Variants in RSRC1 observed in about 807,000 individuals in gnomAD.
RSRC1 encodes the protein serine/Arginine-related protein 53.
In RSRC1, 39 loss-of-function variants were observed where a neutral mutation model predicts 49.1. That is an observed-to-expected ratio of 0.79 (90% CI 0.61 to 1.04). The LOEUF is 1.04. Among genes scored for constraint, RSRC1 ranks in the 50% least tolerant of loss-of-function variants. The pLI is 0.00. For synonymous variants in RSRC1, 143 were observed against 130.8 expected, an observed-to-expected ratio of 1.09 and a Z score of -0.63; for missense variants, 388 against 402.4, an observed-to-expected ratio of 0.96 and a Z score of 0.31.
intron 4 of RSRC1, among the ~76,000 whole-genome samples, chr3:158,260,336 G>A (rs766418883): frequency 1.1e-4 from 16 of 152,132 alleles, no homozygotes; most frequent in Non-Finnish European, 2.2e-4. Context: ...CTTCCCCAGG[G>A]TATGTCTAGA....
chr3:158,504,076 C>T (rs1739736928), intron 7 of RSRC1, among the ~76,000 whole-genome samples: 1 of 152,182 alleles, frequency 6.6e-6, no homozygotes, highest in South Asian at 2.1e-4. Context: ...CCCTGTATTT[C>T]ACTCAGCTCT....
intron 3 of RSRC1, among the ~76,000 whole-genome samples, chr3:158,197,405 A>G (rs1720699800): frequency 6.6e-6 from 1 of 151,538 alleles, no homozygotes; most frequent in South Asian, 2.1e-4. Flanking sequence ...CTTCTTTATT[A>G]GTCTTGGTAG....
At chr3:158,437,599 A>G (rs1032498748) in intron 6 of RSRC1, among the ~76,000 whole-genome samples, 1 of 152,180 alleles carries the variant, frequency 6.6e-6, no homozygotes, top group Non-Finnish European at 1.5e-5. Context: ...AAGGCCTTCA[A>G]TAAAATTCAA....
chr3:158,290,712 T>C (rs775557065), intron 4 of RSRC1, among the ~76,000 whole-genome samples: 5 of 152,224 alleles, frequency 3.3e-5, no homozygotes, highest in Non-Finnish European at 7.3e-5. Context: ...TAATAATGTA[T>C]GTAGTCAGGC....
At chr3:158,397,829 A>G (rs1476632060) in intron 6 of RSRC1, among the ~76,000 whole-genome samples, 1 of 152,048 alleles carries the variant, frequency 6.6e-6, no homozygotes, top group Non-Finnish European at 1.5e-5. Flanking sequence ...AAAGGATCTC[A>G]TCTTTAATGT....
rs575637071 is a variant in RSRC1, at chr3:158,296,315, G to A, written c.495-1724G>A. 5.9e-4 allele frequency among the ~76,000 whole-genome samples: 89 copies of A among 152,018 alleles called. 1 individual carries two copies. Among genetic ancestry groups the A allele is most frequent in the Middle Eastern group, 6.8e-3 (2 of 294 alleles). ...TGGATTTCAACAAACATAGAAGGGA[G>A]AAAGACACACACACACACATACACA... On this transcript the variant is annotated intron_variant, in intron 4 of 9. Coordinates refer to ENST00000611884, the MANE Select transcript of RSRC1 (RefSeq NM_001271838.2).
intron 4 of RSRC1, among the ~76,000 whole-genome samples, chr3:158,214,931 A>T (rs1055130996): frequency 1.3e-5 from 2 of 151,844 alleles, no homozygotes; most frequent in Admixed American, 6.6e-5. Context: ...CAGTTGGTTG[A>T]TGGGAATTTT....
chr3:158,257,251 C>T (rs1724618732), intron 4 of RSRC1, among the ~76,000 whole-genome samples: 1 of 152,026 alleles, frequency 6.6e-6, no homozygotes, highest in South Asian at 2.1e-4. Flanking sequence ...TCAATGTGTC[C>T]CAGAGGTTCT....
At chr3:158,366,097 G>T (rs1434318566) in intron 6 of RSRC1, among the ~76,000 whole-genome samples, 2 of 152,132 alleles carry the variant, frequency 1.3e-5, no homozygotes, top group Non-Finnish European at 2.9e-5. Context: ...TCTGTAGGTT[G>T]TCTGTTCACT....
intron 6 of RSRC1, among the ~76,000 whole-genome samples, chr3:158,412,567 A>T (rs185435470): frequency 2.0e-5 from 3 of 152,068 alleles, no homozygotes; most frequent in Non-Finnish European, 4.4e-5. Context: ...ATGAGTGTAG[A>T]GGGGCATTCA....
intron 3 of RSRC1, among the ~76,000 whole-genome samples, chr3:158,159,823 C>A (rs528634376): frequency 6.6e-6 from 1 of 152,102 alleles, no homozygotes; most frequent in Admixed American, 6.6e-5. Flanking sequence ...ATTTGACTTA[C>A]GAGCTACTAG....
At chr3:158,256,827 A>G (rs1016783483) in intron 4 of RSRC1, among the ~76,000 whole-genome samples, 10 of 151,964 alleles carry the variant, frequency 6.6e-5, no homozygotes, top group Non-Finnish European at 1.5e-4. Flanking sequence ...GAATTTATCC[A>G]TTTCTTCTAG....
chr3:158,145,576 G>T (rs994082125), intron 3 of RSRC1, among the ~76,000 whole-genome samples: 2 of 152,130 alleles, frequency 1.3e-5, no homozygotes, highest in Non-Finnish European at 1.5e-5. Flanking sequence ...GATGCCTCCA[G>T]CTTTATTCTT....
chr3:158,412,491 T>C (rs965731012), intron 6 of RSRC1, among the ~76,000 whole-genome samples: 8 of 152,164 alleles, frequency 5.3e-5, no homozygotes, highest in Non-Finnish European at 1.0e-4. Flanking sequence ...GTTAGACTTA[T>C]ATATTTTCTA....
In RSRC1 at chr3:158,435,621, A is replaced by G. The variant is rs1420005531; in HGVS notation, c.584-25314A>G. Among the ~76,000 whole-genome samples the G allele has an allele frequency of 5.3e-5, 8 of 151,812 alleles. No homozygotes were observed. In the East Asian group the frequency reaches 1.6e-3, roughly 29 times the overall value. ...CTATAAAGATAAAGATATATAATTT[A>G]AAGGTATATATTTACTTTCACTTTG... On this transcript the variant is annotated intron_variant, in intron 6 of 9. Coordinates refer to ENST00000611884, the MANE Select transcript of RSRC1 (RefSeq NM_001271838.2).
At chr3:158,261,722 G>A (rs55662652) in intron 4 of RSRC1, among the ~76,000 whole-genome samples, 72 of 152,298 alleles carry the variant, frequency 4.7e-4, no homozygotes, top group Non-Finnish European at 9.8e-4. Context: ...AACTATGCAT[G>A]TGAAGGATCT....
rs190253812 is a variant in RSRC1, at chr3:158,535,646, A to G, written c.653-1446A>G. ...AACTGTTCAAGATGATCCTACAACT[A>G]TTATTAAGCCATAACTACTGGGGAT... is the stretch of plus-strand genomic sequence containing the variant. On this transcript the variant is annotated intron_variant, in intron 7 of 9. Transcript: ENST00000611884. Among the ~76,000 whole-genome samples, 159 of 151,520 alleles carry G rather than the reference A, an allele frequency of 1.0e-3. 2 individuals carry two copies. The highest frequency in any genetic ancestry group is 0.01 in the Admixed American group (159 of 15,166).
chr3:158,468,086 A>G (rs1737968701), intron 7 of RSRC1, among the ~76,000 whole-genome samples: 1 of 152,124 alleles, frequency 6.6e-6, no homozygotes, highest in East Asian at 1.9e-4. Context: ...GGTGCCTGCC[A>G]CCATGCCCGG....
intron 3 of RSRC1, among the ~76,000 whole-genome samples, chr3:158,170,949 G>A (rs1718847408): frequency 6.6e-6 from 1 of 152,110 alleles, no homozygotes; most frequent in African/African-American, 2.4e-5. Context: ...TGGCAGCACA[G>A]GTAGCTCAGA....
Sources: allele counts gnomAD v4.1 joint callset (sites outside exome capture counted in the v4.1 genomes callset), GRCh38; gene constraint gnomAD v4.1.1; transcripts MANE v1.5; gene names NCBI Gene and HGNC (gene_info 2026-07-23, HGNC 2026-07-21).